The following RABEP1 variants were observed in gnomAD, a reference collection of about 807,000 sequenced individuals.
RABEP1 encodes rab GTPase-binding effector protein 1.
RABEP1 carries 51 observed loss-of-function variants against 123.4 expected under a neutral mutation model. That is an observed-to-expected ratio of 0.41 (90% confidence interval 0.33 to 0.52). The LOEUF (loss-of-function observed/expected upper bound fraction) is 0.52, where lower values mean the gene tolerates loss of function less well. Among genes scored for constraint, RABEP1 ranks in the 20% least tolerant of loss-of-function variants. The probability of loss-of-function intolerance (pLI) is 0.16; values close to 1 mark genes in which losing one functional copy is unlikely to be tolerated. For synonymous variants in RABEP1, 347 were observed against 355.2 expected (o/e 0.98, Z 0.26); for missense variants, 888 against 996.3 (o/e 0.89, Z 1.46).
intron 1 of RABEP1, among the ~76,000 whole-genome samples, chr17:5,287,768 C>T (rs2074993778): frequency 6.6e-6 from 1 of 151,872 alleles, no homozygotes; most frequent in South Asian, 2.1e-4. Flanking sequence ...AAAAATTAGC[C>T]GGGTGTGATG....
chr17:5,312,491 G>A (rs1250607977), intron 2 of RABEP1, among the ~76,000 whole-genome samples: 1 of 152,114 alleles, frequency 6.6e-6, no homozygotes, highest in Non-Finnish European at 1.5e-5. Flanking sequence ...ATGAACCATA[G>A]TAAAATACTA....
intron 11 of RABEP1, among the ~76,000 whole-genome samples, chr17:5,366,946 G>A (rs942248010): frequency 2.0e-5 from 3 of 151,252 alleles, no homozygotes; most frequent in Non-Finnish European, 2.9e-5. Flanking sequence ...AAAATTAGCC[G>A]AGTGTTTCGG....
chr17:5,294,267 C>T (rs2075059594), intron 1 of RABEP1, among the ~76,000 whole-genome samples: 1 of 152,074 alleles, frequency 6.6e-6, no homozygotes, highest in South Asian at 2.1e-4. Context: ...GTTTGTAATC[C>T]CAGCTACTCA....
intron 10 of RABEP1, among the ~76,000 whole-genome samples, chr17:5,364,042 G>T (rs1222431658): frequency 3.3e-5 from 5 of 152,180 alleles, no homozygotes; most frequent in Admixed American, 6.5e-5. Flanking sequence ...TAGAATGATG[G>T]TTTAATATTT....
At chr17:5,295,743 G>A (rs9912506) in intron 1 of RABEP1, among the ~76,000 whole-genome samples, 84,854 of 152,012 alleles carry the variant, frequency 0.56, 24,892 homozygotes, top group East Asian at 0.96. Flanking sequence ...TGTGTTACAC[G>A]TTCACAAGTA....
intron 1 of RABEP1, among the ~76,000 whole-genome samples, chr17:5,297,175 G>A (rs1292806455): frequency 2.6e-5 from 4 of 152,114 alleles, no homozygotes; most frequent in African/African-American, 9.7e-5. Context: ...TCTTGGTGGT[G>A]AAATTGTATA....
At position 5,323,714 on chromosome 17, in the gene RABEP1, ATATC is replaced by A. The variant is rs1905629293; in HGVS notation, c.164-8232_164-8229del. Among the ~76,000 whole-genome samples the A allele has an allele frequency of 2.1e-5, 2 of 93,520 alleles. 1 individual carries two copies. The highest frequency in any genetic ancestry group is 6.2e-4 in the South Asian group (2 of 3,206). The allele number at this position is 93,520 out of a possible 152,430, so 61.4% of individuals were successfully genotyped here. The stretch of plus-strand genomic sequence containing the variant: ...TATCTCTCTCTAGGAATATATATAT[ATATC>A]TAGGAATATATATATATCTAGGAAT... On this transcript the variant is annotated intron_variant, in intron 2 of 17. Transcript: ENST00000537505.
intron 7 of RABEP1, among the ~76,000 whole-genome samples, chr17:5,351,247 TTATC>T (rs1842313799): frequency 6.6e-6 from 1 of 152,144 alleles, no homozygotes; most frequent in Non-Finnish European, 1.5e-5. Flanking sequence ...TGTTTTCTCC[TTATC>T]TTTTAGTTAT....
chr17:5,350,503 G>A lies in RABEP1; in HGVS notation c.837G>A (p.Thr279=), dbSNP rs370603812. Residue 279 remains threonine, a synonymous_variant, in exon 7 of 18, where the codon ACG becomes ACA. Transcript: ENST00000537505. ...AACAACACAACCAGTTAAAACATAC[G>A]TGGCAGAAGGCCAATGACCAGTTTC... The part of the protein sequence containing the change: ...ERQQHNQLKH[T]WQKANDQFLE... The A allele has an allele frequency of 1.5e-5, 24 of 1,613,996 alleles. No homozygotes were observed. The highest frequency in any genetic ancestry group is 1.9e-5 in the Non-Finnish European group (23 of 1,180,020).
At chr17:5,337,715 T>C (rs374852365) in intron 4 of RABEP1, among the ~76,000 whole-genome samples, 2 of 152,048 alleles carry the variant, frequency 1.3e-5, no homozygotes, top group East Asian at 3.8e-4. Context: ...TTATTTATTA[T>C]GTGTATTTCC....
chr17:5,368,794 G>C (rs1044208769), intron 12 of RABEP1, among the ~76,000 whole-genome samples: 22 of 152,178 alleles, frequency 1.4e-4, no homozygotes, highest in Non-Finnish European at 2.2e-4. Context: ...GAGAGCCCTA[G>C]CTGGTACAGC....
chr17:5,361,849 C>T, intron 9 of RABEP1, 174 bp downstream of exon 9: 1 of 596,116 alleles, frequency 1.7e-6, no homozygotes, highest in Non-Finnish European at 2.9e-6. Flanking sequence ...CTTGGGTATT[C>T]CAGGTAATTG....
At chr17:5,358,653 A>G (rs1158110484) in intron 8 of RABEP1, among the ~76,000 whole-genome samples, 1 of 151,314 alleles carries the variant, frequency 6.6e-6, no homozygotes, top group Non-Finnish European at 1.5e-5. Flanking sequence ...CCTGAGTGAC[A>G]GAGCGAGACT....
At chr17:5,305,197 T>C (rs1265262416) in intron 1 of RABEP1, among the ~76,000 whole-genome samples, 1 of 150,126 alleles carries the variant, frequency 6.7e-6, no homozygotes, top group Non-Finnish European at 1.5e-5. Flanking sequence ...AAAGGCATTC[T>C]TGTAAAAAGC....
rs961247879 is a variant in RABEP1 at position 5,374,280 on chromosome 17, C to A, written c.2025+826C>A. 2.0e-5 allele frequency among the ~76,000 whole-genome samples: 3 copies of A among 151,462 alleles called. No individual in the cohort carries two copies. In the East Asian group the frequency reaches 5.8e-4, roughly 29 times the overall value. ...ATGGGGTTTCACCATGTTTGCCAGG[C>A]TGGTCTTGAGCTCCTGACCTCACGT... On this transcript the variant is annotated intron_variant, in intron 13 of 17. Coordinates refer to ENST00000537505, the MANE Select transcript of RABEP1 (RefSeq NM_004703.6).
At chr17:5,372,482 CTG>C (rs1352985157) in intron 12 of RABEP1, among the ~76,000 whole-genome samples, 1 of 152,180 alleles carries the variant, frequency 6.6e-6, no homozygotes, top group African/African-American at 2.4e-5. Context: ...CTCAAGTGCT[CTG>C]TGATTCCTGA....
rs148945719 is a variant in RABEP1, at chr17:5,343,942, C to G, written c.649-2848C>G. Among the ~76,000 whole-genome samples the G allele has an allele frequency of 9.5e-4, 145 of 152,146 alleles. 1 individual carries two copies. Among genetic ancestry groups the G allele is most frequent in the African/African-American group, 3.4e-3 (140 of 41,518 alleles). On this transcript the variant is annotated intron_variant, in intron 5 of 17. Transcript: ENST00000537505. ...CCACTCACCTTGGCCTCCCAAAGTG[C>G]TGGGATTACAGGCATGAGTCACTGT...
chr17:5,351,455 C>A (rs1908545676), intron 7 of RABEP1, among the ~76,000 whole-genome samples: 2 of 152,070 alleles, frequency 1.3e-5, no homozygotes, highest in Non-Finnish European at 2.9e-5. Flanking sequence ...TTATGATATA[C>A]ATTTAGGGTG....
Position 5,335,611 on chromosome 17 carries a change from G to C in RABEP1, c.528+267G>C, listed in dbSNP as rs539367109. Among the ~76,000 whole-genome samples the C allele has an allele frequency of 2.0e-5, 3 of 152,172 alleles. No homozygotes were observed. The South Asian group carries it at 6.2e-4, about 32-fold the overall frequency. The stretch of plus-strand genomic sequence containing the variant: ...CATTGCAACCTGCCAACTTCCCTCT[G>C]CCACCTGTCACTACTCTCCTCTCCC... On this transcript the variant is annotated intron_variant, in intron 4 of 17. Transcript: ENST00000537505.
Sources: allele counts gnomAD v4.1 joint callset (sites outside exome capture counted in the v4.1 genomes callset), GRCh38; gene constraint gnomAD v4.1.1; transcripts MANE v1.5; gene names NCBI Gene and HGNC (gene_info 2026-07-23, HGNC 2026-07-21).